Variants in HS2ST1 observed in about 807,000 individuals in gnomAD.
HS2ST1 encodes the protein heparan sulfate 2-O-sulfotransferase 1.
Under a neutral mutation model 42.9 loss-of-function variants are expected in HS2ST1, and 18 were observed. The ratio of observed to expected loss-of-function variants is 0.42; its 90% CI spans 0.29 to 0.62. The LOEUF (loss-of-function observed/expected upper bound fraction) is 0.62. Ranked by LOEUF, HS2ST1 falls within the 20% of genes least tolerant of loss-of-function variation. HS2ST1 has a pLI of 0.21. For synonymous variants in HS2ST1, 146 were observed against 152.9 expected, an observed-to-expected ratio of 0.95 and a Z score of 0.33; for missense variants, 334 against 433.8, an observed-to-expected ratio of 0.77 and a Z score of 2.04.
At chr1:86,978,704 A>G (rs931217331) in intron 1 of HS2ST1, among the ~76,000 whole-genome samples, 5 of 152,144 alleles carry the variant, frequency 3.3e-5, no homozygotes, top group African/African-American at 9.7e-5. Context: ...ATAATTACAT[A>G]TAATAATAGA....
At chr1:87,044,841 TCC>T (rs1650606196) in intron 1 of HS2ST1, 5 of 774,286 alleles carry the variant, frequency 6.5e-6, no homozygotes, top group Non-Finnish European at 1.0e-5. Flanking sequence ...GTCCATTTTT[TCC>T]CCTTTGGAAC....
At chr1:86,957,574 A>C (rs764530356) in intron 1 of HS2ST1, among the ~76,000 whole-genome samples, 2 of 152,198 alleles carry the variant, frequency 1.3e-5, no homozygotes, top group African/African-American at 4.8e-5. Flanking sequence ...TCTAGAGGAA[A>C]TAGAACTGCT....
intron 2 of HS2ST1, 109 bp downstream of exon 2, chr1:87,073,281 G>T: frequency 1.3e-6 from 1 of 757,240 alleles, no homozygotes; most frequent in East Asian, 2.5e-5. Flanking sequence ...TGATCTCAGT[G>T]GATCATAAGC....
chr1:86,954,521 T>C (rs1199185237), intron 1 of HS2ST1, among the ~76,000 whole-genome samples: 1 of 152,250 alleles, frequency 6.6e-6, no homozygotes, highest in African/African-American at 2.4e-5. Flanking sequence ...CCAAATTGTT[T>C]AATTATACAT....
chr1:86,923,701 G>A (rs890499497), intron 1 of HS2ST1, among the ~76,000 whole-genome samples: 1 of 152,106 alleles, frequency 6.6e-6, no homozygotes, highest in Non-Finnish European at 1.5e-5. Context: ...TGGCGGGAAT[G>A]CCTCTTTTTA....
At chr1:87,100,131 C>T (rs1466969190) in intron 5 of HS2ST1, among the ~76,000 whole-genome samples, 1 of 152,222 alleles carries the variant, frequency 6.6e-6, no homozygotes, top group Non-Finnish European at 1.5e-5. Context: ...CACCTTCCCA[C>T]AGCTCCACTA....
chr1:86,997,106 C>G (rs1432470013), intron 1 of HS2ST1, among the ~76,000 whole-genome samples: 3 of 152,106 alleles, frequency 2.0e-5, no homozygotes, highest in Non-Finnish European at 4.4e-5. Flanking sequence ...AGGGAATTTT[C>G]TAATTCTCAG....
chr1:86,971,323 C>G (rs1289620071), intron 1 of HS2ST1, among the ~76,000 whole-genome samples: 1 of 152,016 alleles, frequency 6.6e-6, no homozygotes, highest in Non-Finnish European at 1.5e-5. Flanking sequence ...CAAAAAAAAA[C>G]CTTGGCGGTT....
intron 1 of HS2ST1, among the ~76,000 whole-genome samples, chr1:87,051,355 T>G (rs551710637): frequency 3.3e-5 from 5 of 152,286 alleles, no homozygotes; most frequent in African/African-American, 9.6e-5. Flanking sequence ...AGTTTTGAGT[T>G]ACTTTGCCTT....
intron 1 of HS2ST1, chr1:87,046,012 C>G: frequency 1.4e-6 from 1 of 691,156 alleles, no homozygotes; most frequent in Non-Finnish European, 2.7e-6. Flanking sequence ...GCACAGGTTG[C>G]CAGGGAAAGT....
intron 2 of HS2ST1, among the ~76,000 whole-genome samples, chr1:87,083,667 A>G (rs1651745002): frequency 6.6e-6 from 1 of 152,154 alleles, no homozygotes; most frequent in South Asian, 2.1e-4. Flanking sequence ...CTTTTTATCA[A>G]CAAGCTTGTG....
In HS2ST1 at chr1:86,973,579, A is replaced by T. The variant is rs137950280; in HGVS notation, c.124+58419A>T. On this transcript the variant is annotated intron_variant, in intron 1 of 6. Transcript: ENST00000370550. ...AATTCTAGAAAGGCAAAACTAGTCT[A>T]CAATGCCAGTACATTGTTGATTGCC... 3.3e-5 allele frequency among the ~76,000 whole-genome samples: 5 copies of T among 152,330 alleles called. No individual in the cohort carries two copies. The East Asian group carries it at 9.7e-4, about 29-fold the overall frequency.
intron 5 of HS2ST1, among the ~76,000 whole-genome samples, chr1:87,101,149 G>GTGTTTTTTTTTTTTTTTTTTT (rs1557546421): frequency 1.7e-5 from 1 of 59,540 alleles, no homozygotes; most frequent in African/African-American, 6.5e-5. Flanking sequence ...GTGTGTGTGT[G>GTGTTTTTTTTTTTTTTTTTTT]TTTTTTGTTT....
intron 5 of HS2ST1, among the ~76,000 whole-genome samples, chr1:87,102,644 T>C (rs904399685): frequency 6.6e-6 from 1 of 152,244 alleles, no homozygotes; most frequent in African/African-American, 2.4e-5. Flanking sequence ...AAAGACTTGC[T>C]CTATTGGGCA....
At chr1:86,925,237 A>G (rs1355774081) in intron 1 of HS2ST1, among the ~76,000 whole-genome samples, 1 of 152,200 alleles carries the variant, frequency 6.6e-6, no homozygotes, top group African/African-American at 2.4e-5. Flanking sequence ...CTTATTGTTC[A>G]TATCACTATC....
intron 1 of HS2ST1, among the ~76,000 whole-genome samples, chr1:86,977,246 T>C (rs1648446943): frequency 6.6e-6 from 1 of 152,218 alleles, no homozygotes; most frequent in African/African-American, 2.4e-5. Context: ...TTTATTTGTT[T>C]ATGTCATCAG....
chr1:86,950,231 TTTC>T (rs2102185256), intron 1 of HS2ST1, among the ~76,000 whole-genome samples: 1 of 152,336 alleles, frequency 6.6e-6, no homozygotes, highest in Non-Finnish European at 1.5e-5. Flanking sequence ...ATGCCATTTT[TTTC>T]TTTTTGCCAG....
chr1:87,073,319 T>C (rs1651463370), intron 2 of HS2ST1, 147 bp downstream of exon 2: 1 of 637,834 alleles, frequency 1.6e-6, no homozygotes, highest in Non-Finnish European at 2.8e-6. Context: ...CAGCTAACTT[T>C]TGTATAATTT....
At chr1:87,024,503 A>AG (rs1650035844) in intron 1 of HS2ST1, among the ~76,000 whole-genome samples, 1 of 143,346 alleles carries the variant, frequency 7.0e-6, no homozygotes, top group African/African-American at 2.6e-5. Context: ...TCCGTCTCAA[A>AG]GAAAAAAAAA....
Sources: gnomAD v4.1 joint callset for allele counts (sites outside exome capture counted in the v4.1 genomes callset) on GRCh38, gnomAD v4.1.1 for gene constraint, MANE v1.5 for transcripts, NCBI Gene and HGNC (gene_info 2026-07-23, HGNC 2026-07-21) for gene names.